MISFA: variants seen among roughly 807,000 people sequenced by gnomAD.
The protein encoded by MISFA is mitochondrial sheath formation associated.
At chr11:18,604,896 A>G in the MISFA span, among the ~76,000 whole-genome samples, 1 of 152,112 alleles carries the variant, frequency 6.6e-6, no homozygotes, top group African/African-American at 2.4e-5. Context: ...GCCAAACAAG[A>G]GACTGTGGGA....
the MISFA span, chr11:18,602,140 G>A: frequency 3.3e-5 from 5 of 152,294 alleles, no homozygotes; most frequent in East Asian, 7.7e-4. Flanking sequence ...CCTGCCTACA[G>A]GAAACACTAA....
the MISFA span, among the ~76,000 whole-genome samples, chr11:18,600,771 C>A: frequency 5.9e-5 from 9 of 151,978 alleles, no homozygotes; most frequent in Non-Finnish European, 1.0e-4. Flanking sequence ...CCGCCTGCCT[C>A]GGCTCCCCAA....
chr11:18,601,645 A>G, the MISFA span: 218 of 395,708 alleles, frequency 5.5e-4, no homozygotes, highest in African/African-American at 3.8e-3. Context: ...CCAGGCCTCA[A>G]GTGGTCCCCC....
the MISFA span, chr11:18,601,283 T>C: frequency 7.5e-5 from 30 of 398,124 alleles, no homozygotes; most frequent in East Asian, 9.3e-4. Context: ...CTGGAAAATA[T>C]AATAAACTGT....
chr11:18,604,231 G>A, the MISFA span, among the ~76,000 whole-genome samples: 29 of 152,030 alleles, frequency 1.9e-4, no homozygotes, highest in South Asian at 4.4e-3. Flanking sequence ...CGGCATTACC[G>A]CATTTTTTAA....
the MISFA span, chr11:18,603,780 G>A: frequency 3.0e-5 from 12 of 398,994 alleles, no homozygotes; most frequent in Non-Finnish European, 5.3e-5. Flanking sequence ...AGACTCCAGT[G>A]GAAGTAAGCA....
At chr11:18,605,245 G>GA in the MISFA span, among the ~76,000 whole-genome samples, 38 of 143,834 alleles carry the variant, frequency 2.6e-4, no homozygotes, top group African/African-American at 4.2e-4. Context: ...GTCTCAAAAA[G>GA]AAAAAAAAAA....
the MISFA span, chr11:18,609,719 C>A: frequency 1.5e-6 from 1 of 679,158 alleles, no homozygotes; most frequent in Non-Finnish European, 2.5e-6. Flanking sequence ...GCTCAAATGA[C>A]AGCCTGCAAA....
the MISFA span, chr11:18,607,509 G>A: frequency 6.6e-6 from 1 of 152,480 alleles, no homozygotes; most frequent in Non-Finnish European, 1.5e-5. Context: ...TTCAAATGTT[G>A]AATTAAGAAA....
chr11:18,607,498 C>G, the MISFA span: 1 of 152,692 alleles, frequency 6.5e-6, no homozygotes, highest in Middle Eastern at 3.4e-3. Flanking sequence ...AAAGGCACAT[C>G]TTCAAATGTT....
At chr11:18,606,638 C>G in the MISFA span, 3 of 373,532 alleles carry the variant, frequency 8.0e-6, no homozygotes, top group Non-Finnish European at 1.5e-5. Flanking sequence ...AATATTTAAT[C>G]ACATCCACTC....
chr11:18,600,125 A>T, the MISFA span: 4 of 397,296 alleles, frequency 1.0e-5, no homozygotes, highest in Non-Finnish European at 1.8e-5. Flanking sequence ...TCAGAATGTG[A>T]TGGGAACAAA....
chr11:18,609,148 T>C, the MISFA span: 1 of 152,196 alleles, frequency 6.6e-6, no homozygotes, highest in African/African-American at 2.4e-5. Flanking sequence ...AAAGCCAACA[T>C]AACAGTAAAT....
chr11:18,600,087 T>C, the MISFA span: 1 of 398,704 alleles, frequency 2.5e-6, no homozygotes, highest in Non-Finnish European at 4.4e-6. Context: ...ATGGGAAAGA[T>C]AGTTGAGGTC....
At chr11:18,604,027 T>C in the MISFA span, 91 of 275,808 alleles carry the variant, frequency 3.3e-4, no homozygotes, top group African/African-American at 1.7e-3. Context: ...CCCGGGTTCA[T>C]GCCATTCCCC....
chr11:18,608,395 C>A, the MISFA span: 1 of 152,424 alleles, frequency 6.6e-6, no homozygotes. Context: ...AAGGAATAAA[C>A]CAAAATATTT....
At chr11:18,605,278 T>C in the MISFA span, among the ~76,000 whole-genome samples, 1 of 151,082 alleles carries the variant, frequency 6.6e-6, no homozygotes. Flanking sequence ...ACCCAGGAAG[T>C]TGCCTGATAA....
At chr11:18,601,856 T>C in the MISFA span, 1 of 254,350 alleles carries the variant, frequency 3.9e-6, no homozygotes, top group African/African-American at 2.2e-5. Context: ...TTTCGAAGTT[T>C]CTTCTGTACA....
chr11:18,609,198 A>G, the MISFA span: 2 of 152,490 alleles, frequency 1.3e-5, no homozygotes, highest in African/African-American at 4.8e-5. Context: ...TACTGTTATA[A>G]CCTGTATTTT....
Sources: gnomAD v4.1 joint callset for allele counts (sites outside exome capture counted in the v4.1 genomes callset) on GRCh38, gnomAD v4.1.1 for gene constraint, MANE v1.5 for transcripts, NCBI Gene and HGNC (gene_info 2026-07-23, HGNC 2026-07-21) for gene names.